ST6GAL1: variants seen among roughly 807,000 people sequenced by gnomAD.
ST6GAL1 encodes the protein beta-galactoside alpha-2,6-sialyltransferase 1.
A neutral mutation model predicts 38.0 loss-of-function variants in ST6GAL1; 20 were observed. That is an observed-to-expected ratio of 0.53 (90% confidence interval 0.37 to 0.77). The LOEUF is 0.77. ST6GAL1 is among the 30% of genes least tolerant of loss of function. ST6GAL1 has a pLI of 0.00. For synonymous variants in ST6GAL1, 196 were observed against 188.2 expected (o/e 1.04, Z -0.34); for missense variants, 432 against 496.4 (o/e 0.87, Z 1.23).
chr3:186,932,090 G>A (rs1438882103), intron 1 of ST6GAL1, among the ~76,000 whole-genome samples: 1 of 152,206 alleles, frequency 6.6e-6, no homozygotes, highest in Non-Finnish European at 1.5e-5. Context: ...CCTGCTGAGC[G>A]GGCGGGCTGC....
chr3:187,017,251 C>G (rs1277392643), intron 2 of ST6GAL1, among the ~76,000 whole-genome samples: 1 of 152,186 alleles, frequency 6.6e-6, no homozygotes, highest in East Asian at 1.9e-4. Context: ...AAGGCCTGGC[C>G]TCTCCCATTC....
chr3:186,963,981 A>C (rs761410860), intron 2 of ST6GAL1, 55 bp downstream of exon 2: 3 of 152,308 alleles, frequency 2.0e-5, no homozygotes, highest in Non-Finnish European at 2.9e-5. Context: ...CCTTTTTTGC[A>C]GGGGCAGGAG....
intron 2 of ST6GAL1, among the ~76,000 whole-genome samples, chr3:187,033,326 T>G (rs1717816854): frequency 6.6e-6 from 1 of 152,122 alleles, no homozygotes; most frequent in South Asian, 2.1e-4. Context: ...GGCAGGAGAA[T>G]CTCATGAACC....
At chr3:186,948,391 A>G (rs924230714) in intron 1 of ST6GAL1, among the ~76,000 whole-genome samples, 1 of 152,220 alleles carries the variant, frequency 6.6e-6, no homozygotes, top group African/African-American at 2.4e-5. Flanking sequence ...GACAACACTT[A>G]TCAAACTGGG....
intron 2 of ST6GAL1, among the ~76,000 whole-genome samples, chr3:187,004,366 T>C (rs1221504902): frequency 6.6e-6 from 1 of 152,256 alleles, no homozygotes; most frequent in African/African-American, 2.4e-5. Flanking sequence ...GACTAGCAAG[T>C]GGCAGAGCCA....
intron 1 of ST6GAL1, among the ~76,000 whole-genome samples, chr3:186,949,326 T>G (rs921067567): frequency 1.3e-5 from 2 of 152,182 alleles, no homozygotes; most frequent in African/African-American, 4.8e-5. Context: ...CCTAAGAGTC[T>G]GCCTCAGGGA....
At chr3:187,074,050 C>A (rs1359305115) in intron 6 of ST6GAL1, 109 bp from the exon 7 acceptor site, 1 of 1,029,954 alleles carries the variant, frequency 9.7e-7, no homozygotes, top group Non-Finnish European at 1.4e-6. Flanking sequence ...TCAGGAGCAA[C>A]ACTTGTTGAT....
intron 3 of ST6GAL1, among the ~76,000 whole-genome samples, chr3:187,041,366 A>G (rs1477083148): frequency 6.6e-6 from 1 of 152,204 alleles, no homozygotes; most frequent in African/African-American, 2.4e-5. Context: ...GTGGGTTAGC[A>G]AAACCCCGGA....
At chr3:186,994,416 T>C (rs1246565610) in intron 2 of ST6GAL1, among the ~76,000 whole-genome samples, 1 of 152,214 alleles carries the variant, frequency 6.6e-6, no homozygotes, top group Non-Finnish European at 1.5e-5. Context: ...GGCTGGAGTC[T>C]AACACAGCTG....
At chr3:186,948,303 C>G (rs1232605733) in intron 1 of ST6GAL1, among the ~76,000 whole-genome samples, 1 of 152,332 alleles carries the variant, frequency 6.6e-6, no homozygotes, top group Non-Finnish European at 1.5e-5. Flanking sequence ...TGTCAGGGGA[C>G]TTCGGTGGCC....
chr3:186,977,511 G>A (rs1715559488), intron 2 of ST6GAL1, among the ~76,000 whole-genome samples: 1 of 152,198 alleles, frequency 6.6e-6, no homozygotes, highest in Non-Finnish European at 1.5e-5. Flanking sequence ...TGAGACCTCT[G>A]AAAAGCTCAG....
intron 1 of ST6GAL1, among the ~76,000 whole-genome samples, chr3:186,939,080 T>TC (rs1378327375): frequency 6.7e-6 from 1 of 149,604 alleles, no homozygotes; most frequent in Non-Finnish European, 1.5e-5. Flanking sequence ...TTTTTTTTTT[T>TC]TTTTCTTTTT....
chr3:187,063,006 A>C (rs1206721974), intron 5 of ST6GAL1, among the ~76,000 whole-genome samples: 1 of 152,320 alleles, frequency 6.6e-6, no homozygotes, highest in African/African-American at 2.4e-5. Flanking sequence ...TCATTTTGGG[A>C]AGCTGAAAAA....
At chr3:186,995,079 A>G (rs927806021) in intron 2 of ST6GAL1, among the ~76,000 whole-genome samples, 2 of 152,176 alleles carry the variant, frequency 1.3e-5, no homozygotes, top group Non-Finnish European at 2.9e-5. Flanking sequence ...TATTATATAT[A>G]TATGTGTGTA....
At chr3:187,020,069 C>T (rs191514941) in intron 2 of ST6GAL1, among the ~76,000 whole-genome samples, 9 of 152,230 alleles carry the variant, frequency 5.9e-5, no homozygotes, top group South Asian at 2.1e-4. Context: ...CAGGCTGAGG[C>T]GGGTGGATCA....
intron 1 of ST6GAL1, among the ~76,000 whole-genome samples, chr3:186,944,167 A>G (rs1417219611): frequency 1.3e-5 from 2 of 152,216 alleles, no homozygotes; most frequent in African/African-American, 2.4e-5. Flanking sequence ...ACGTGTGAAG[A>G]GGGAGAAGAT....
intron 5 of ST6GAL1, among the ~76,000 whole-genome samples, chr3:187,068,214 T>C (rs374219797): frequency 6.9e-4 from 105 of 152,186 alleles, no homozygotes; most frequent in African/African-American, 2.4e-3. Flanking sequence ...TGGTGGCACA[T>C]GTCTGTCGTA....
In ST6GAL1 at chr3:186,993,758, C is replaced by T. The variant is rs78841878; in HGVS notation, c.-183+29832C>T. Among the ~76,000 whole-genome samples the T allele has an allele frequency of 8.4e-3, 1,284 of 152,064 alleles. 20 individuals carry two copies. The highest frequency in any genetic ancestry group is 0.061 in the East Asian group (316 of 5,174). ...GTCACTTTCTAGCTGTGTGGTCTTT[C>T]GAAAATCATTTGATTCCTCTGAGCT... On this transcript the variant is annotated intron_variant, in intron 2 of 7. Transcript: ENST00000169298.
chr3:187,048,267 C>T (rs563051358), intron 4 of ST6GAL1, among the ~76,000 whole-genome samples: 5 of 152,198 alleles, frequency 3.3e-5, no homozygotes, highest in Admixed American at 6.5e-5. Context: ...CTTAGAATCA[C>T]GTCCAAACTT....
Sources: gnomAD v4.1 joint callset for allele counts (sites outside exome capture counted in the v4.1 genomes callset) on GRCh38, gnomAD v4.1.1 for gene constraint, MANE v1.5 for transcripts, NCBI Gene and HGNC (gene_info 2026-07-23, HGNC 2026-07-21) for gene names.